ADAMTS7: variants seen among roughly 807,000 people sequenced by gnomAD.
ADAMTS7 encodes A disintegrin and metalloproteinase with thrombospondin motifs 7.
ADAMTS7 carries 89 observed loss-of-function variants against 172.6 expected under a neutral mutation model. That is an observed-to-expected ratio of 0.52 (90% CI 0.43 to 0.61). The LOEUF is 0.61. Ranked by LOEUF, ADAMTS7 falls within the 20% of genes least tolerant of loss-of-function variation. The probability of loss-of-function intolerance (pLI) is 0.00; values close to 1 mark genes in which losing one functional copy is unlikely to be tolerated. For synonymous variants in ADAMTS7, 885 were observed against 978.4 expected, an observed-to-expected ratio of 0.90 and a Z score of 1.78; for missense variants, 1,973 against 2,355.6, an observed-to-expected ratio of 0.84 and a Z score of 3.36.
chr15:78,784,806 G>A (rs2055479451), intron 8 of ADAMTS7, among the ~76,000 whole-genome samples: 1 of 152,062 alleles, frequency 6.6e-6, no homozygotes, highest in Non-Finnish European at 1.5e-5. Flanking sequence ...AAATGCCTTC[G>A]ACATTCTGAA....
At chr15:78,776,959 C>T in intron 9 of ADAMTS7, 118 bp from the exon 10 acceptor site, 2 of 781,278 alleles carry the variant, frequency 2.6e-6, no homozygotes, top group South Asian at 1.7e-5. Flanking sequence ...CAGGGGCCCA[C>T]AGACCCCCAG....
At position 78,811,117 on chromosome 15, in the gene ADAMTS7, C is replaced by A; in HGVS notation, c.100+4G>T. 8.1e-7 allele frequency: 1 copy of A among 1,230,396 alleles called. No homozygotes were observed. The highest frequency in any genetic ancestry group is 1.0e-6 in the Non-Finnish European group (1 of 987,028). 76.2% of individuals were successfully genotyped at this position (1,230,396 alleles called of 1,614,324 possible). ...CGGCTGGCCGGGGAGGGGCGGACAC[C>A]CACCTGGTGCGGGTCCGGGGGCGCC... On this transcript the variant is annotated splice_donor_region_variant and intron_variant, in intron 1 of 23. Transcript: ENST00000388820.
chr15:78,764,997 C>T (rs377106463), intron 19 of ADAMTS7: 4 of 341,066 alleles, frequency 1.2e-5, no homozygotes, highest in African/African-American at 4.3e-5. Context: ...GTGGGCACCC[C>T]GACCAGCTAT....
At chr15:78,806,125 CACAA>C (rs2055790509) in intron 1 of ADAMTS7, among the ~76,000 whole-genome samples, 1 of 18,352 alleles carries the variant, frequency 5.4e-5, no homozygotes, top group Non-Finnish European at 1.1e-4. Flanking sequence ...CACACACACA[CACAA>C]AAAAAAAAAA....
chr15:78,792,228 T>TGGGAGCCC (rs2055590075), intron 4 of ADAMTS7, among the ~76,000 whole-genome samples: 1 of 152,188 alleles, frequency 6.6e-6, no homozygotes, highest in Non-Finnish European at 1.5e-5. Flanking sequence ...ACACACAGGC[T>TGGGAGCCC]GGGAGCCCGG....
At chr15:78,789,196 G>A (rs2055546036) in intron 7 of ADAMTS7, among the ~76,000 whole-genome samples, 1 of 152,254 alleles carries the variant, frequency 6.6e-6, no homozygotes. Flanking sequence ...GGCACAGGTG[G>A]CTGGAGGCCT....
In ADAMTS7 at chr15:78,766,611, G is replaced by A; in HGVS notation, c.3300C>T (p.Ser1100=). Residue 1100 remains serine (S), a synonymous_variant, in exon 19 of 24, where the codon AGC becomes AGT. Coordinates refer to ENST00000388820, the MANE Select transcript of ADAMTS7 (RefSeq NM_014272.5). ...TACCCGTGGAGGGCGCAGCAGGATG[G>A]CTGTGTGGTGGGGGTGTCCGGTCCC... ...GTGDRTPPPH[S]HPAAPSTGSP... 1 of 1,607,042 alleles carries A rather than the reference G, an allele frequency of 6.2e-7. No individual in the cohort carries two copies. The highest frequency in any genetic ancestry group is 8.5e-7 in the Non-Finnish European group (1 of 1,177,916).
Position 78,772,324 on chromosome 15 carries a change from C to T in ADAMTS7, c.2132-495G>A, listed in dbSNP as rs1022151282. ...TTACAGATGAGCAAAGTGAGGCAGA[C>T]AGGGATAGTAACGTACATGAACATC... On this transcript the variant is annotated intron_variant, in intron 14 of 23. Coordinates refer to ENST00000388820, the MANE Select transcript of ADAMTS7 (RefSeq NM_014272.5). 2.6e-5 allele frequency among the ~76,000 whole-genome samples: 4 copies of T among 152,192 alleles called. No individual in the cohort carries two copies. The South Asian group carries it at 6.2e-4, about 24-fold the overall frequency.
At chr15:78,769,913 G>A (rs1285924687) in intron 16 of ADAMTS7, among the ~76,000 whole-genome samples, 2 of 152,240 alleles carry the variant, frequency 1.3e-5, no homozygotes, top group Non-Finnish European at 2.9e-5. Context: ...TGTAATCCCA[G>A]CACTATGGGA....
intron 8 of ADAMTS7, among the ~76,000 whole-genome samples, chr15:78,782,232 T>C (rs1283399673): frequency 6.6e-6 from 1 of 152,080 alleles, no homozygotes; most frequent in African/African-American, 2.4e-5. Context: ...GGTTTCACCA[T>C]GTTGGCCAAG....
intron 1 of ADAMTS7, among the ~76,000 whole-genome samples, chr15:78,801,951 C>T (rs1242685250): frequency 6.6e-6 from 1 of 152,034 alleles, no homozygotes; most frequent in African/African-American, 2.4e-5. Context: ...CCTCAGCCTC[C>T]CATAGTTCTG....
intron 1 of ADAMTS7, among the ~76,000 whole-genome samples, chr15:78,803,455 CT>C (rs11447592): frequency 1.9e-3 from 269 of 143,812 alleles, no homozygotes; most frequent in Middle Eastern, 7.1e-3. Flanking sequence ...CAACTATGGT[CT>C]TTTTTTTTTT....
chr15:78,772,746 C>T lies in ADAMTS7; in HGVS notation c.2131+337G>A, dbSNP rs561093655. On this transcript the variant is annotated intron_variant, in intron 14 of 23. Transcript: ENST00000388820. ...TAGCACACAGTCAGTACTTGAGCAACGTGTGCAAAACAGACCGGAGGTGAG... is the reference window on the plus strand; with the variant it reads ...TAGCACACAGTCAGTACTTGAGCAATGTGTGCAAAACAGACCGGAGGTGAG... 3.3e-5 allele frequency among the ~76,000 whole-genome samples: 5 copies of T among 152,386 alleles called. No individual in the cohort carries two copies. In the South Asian group the frequency reaches 8.3e-4, roughly 25 times the overall value.
At position 78,765,782 on chromosome 15, in the gene ADAMTS7, G is replaced by T; in HGVS notation, c.4129C>A (p.Pro1377Thr). 1 of 1,608,556 alleles carries T rather than the reference G, an allele frequency of 6.2e-7. No homozygotes were observed. The highest frequency in any genetic ancestry group is 8.5e-7 in the Non-Finnish European group (1 of 1,179,282). Residue 1377 changes from proline (P) to threonine (T), a missense_variant, in exon 19 of 24, where the codon CCA becomes ACA. By Grantham distance (38) the Pro-to-Thr change is conservative. Around this residue, in one of 8 missense-constraint regions of ADAMTS7, gnomAD observed 771 missense variants for 952.6 expected, o/e 0.81. Transcript: ENST00000388820. ...CTGTTGGCGGGGCTGTCCCAAGCTG[G>T]TGTGGACAGCAGCCTAGAGCTCAGG... ...VPLSSRLLST[P>T]AWDSPANSHR...
chr15:78,762,815 C>T (rs60703442), intron 22 of ADAMTS7, among the ~76,000 whole-genome samples: 42,585 of 152,136 alleles, frequency 0.28, 6,098 homozygotes, highest in Non-Finnish European at 0.33. Context: ...GGACAGCCCT[C>T]GGGGCGGCAG....
intron 8 of ADAMTS7, among the ~76,000 whole-genome samples, chr15:78,783,970 T>C (rs1200207134): frequency 6.6e-6 from 1 of 152,130 alleles, no homozygotes; most frequent in African/African-American, 2.4e-5. Context: ...ACTCAATGTA[T>C]ATTTAGTGAA....
At chr15:78,767,203 C>T (rs1192429717) in intron 18 of ADAMTS7, 152 bp from the exon 19 acceptor site, 21 of 1,152,732 alleles carry the variant, frequency 1.8e-5, no homozygotes, top group Non-Finnish European at 2.4e-5. Context: ...AAGGCCATGA[C>T]TGTGGCCATG....
rs535585535 is a variant in ADAMTS7 at position 78,761,774 on chromosome 15, A to C, written c.4903+629T>G. ...TGTGTGTGTGTGCGCGCACGCACAC[A>C]TGCTGGAGGCGGCGGCAGGGGTGTC... On this transcript the variant is annotated intron_variant, in intron 23 of 23. Coordinates refer to ENST00000388820, the MANE Select transcript of ADAMTS7 (RefSeq NM_014272.5). The C allele has an allele frequency of 1.3e-5, 12 of 895,700 alleles. No homozygotes were observed. In the African/African-American group the frequency reaches 1.8e-4, roughly 13 times the overall value. The allele number at this position is 895,700 out of a possible 1,614,324, so 55.5% of individuals were successfully genotyped here.
chr15:78,796,203 C>T (rs1285425913), intron 4 of ADAMTS7, among the ~76,000 whole-genome samples: 2 of 152,192 alleles, frequency 1.3e-5, no homozygotes, highest in African/African-American at 4.8e-5. Context: ...TCAGGCATTT[C>T]TGTGTTTCCA....
Sources: allele counts gnomAD v4.1 joint callset (sites outside exome capture counted in the v4.1 genomes callset), GRCh38; gene constraint gnomAD v4.1.1; regional missense constraint gnomAD v4.1.1; transcripts MANE v1.5; gene names NCBI Gene and HGNC (gene_info 2026-07-23, HGNC 2026-07-21).